Variants in MARCHF3 observed in about 807,000 individuals in gnomAD.
MARCHF3 encodes membrane associated ring-CH-type finger 3, also known as E3 ubiquitin-protein ligase MARCHF3.
In MARCHF3, 13 loss-of-function variants were observed where a neutral mutation model predicts 24.2. The ratio of observed to expected loss-of-function variants is 0.54; its 90% CI spans 0.35 to 0.85. MARCHF3 has a LOEUF of 0.85. Among genes scored for constraint, MARCHF3 ranks in the 40% least tolerant of loss-of-function variants. MARCHF3 has a pLI of 0.01. For synonymous variants in MARCHF3, 144 were observed against 137.3 expected, an observed-to-expected ratio of 1.05 and a Z score of -0.34; for missense variants, 276 against 325.0, an observed-to-expected ratio of 0.85 and a Z score of 1.16.
chr5:126,922,622 C>T (rs1310170871), intron 1 of MARCHF3, among the ~76,000 whole-genome samples: 2 of 152,030 alleles, frequency 1.3e-5, no homozygotes, highest in Non-Finnish European at 2.9e-5. Flanking sequence ...TCTCCGCTCA[C>T]TGCAAGCTCC....
At chr5:126,960,866 T>C (rs1750617352) in intron 1 of MARCHF3, among the ~76,000 whole-genome samples, 3 of 152,240 alleles carry the variant, frequency 2.0e-5, no homozygotes, top group African/African-American at 4.8e-5. Context: ...TTAACCCTTA[T>C]GAAACTCTGA....
intron 3 of MARCHF3, among the ~76,000 whole-genome samples, chr5:126,894,099 A>C (rs1020640566): frequency 1.4e-5 from 2 of 141,084 alleles, no homozygotes; most frequent in Non-Finnish European, 3.0e-5. Flanking sequence ...TTTATCAGAG[A>C]CTAGGATTGC....
chr5:126,985,599 G>A (rs887551438), intron 1 of MARCHF3, among the ~76,000 whole-genome samples: 3 of 151,520 alleles, frequency 2.0e-5, no homozygotes, highest in African/African-American at 7.3e-5. Flanking sequence ...CTCCCGAATA[G>A]CTGGGACTAC....
At chr5:126,890,288 TTC>T (rs200631631) in intron 3 of MARCHF3, among the ~76,000 whole-genome samples, 2,873 of 152,144 alleles carry the variant, frequency 0.019, 68 homozygotes, top group South Asian at 0.11. Context: ...ATGGTATGTT[TTC>T]TTTTTTATTA....
chr5:126,885,419 G>C (rs1443047216), intron 3 of MARCHF3, among the ~76,000 whole-genome samples: 1 of 151,926 alleles, frequency 6.6e-6, no homozygotes, highest in African/African-American at 2.4e-5. Flanking sequence ...AATACAAAAT[G>C]ATCCAGGCGT....
chr5:126,966,905 C>CTTTTGTTTTTTTTTTTTT (rs1750831456), intron 1 of MARCHF3, among the ~76,000 whole-genome samples: 1 of 4,486 alleles, frequency 2.2e-4, no homozygotes, highest in Non-Finnish European at 4.3e-4. Flanking sequence ...CTGTGAGAGC[C>CTTTTGTTTTTTTTTTTTT]TTTTTTTTTT....
intron 1 of MARCHF3, among the ~76,000 whole-genome samples, chr5:126,995,293 A>G (rs567572150): frequency 3.8e-4 from 58 of 152,352 alleles, no homozygotes; most frequent in Non-Finnish European, 6.9e-4. Context: ...CCAATGTACC[A>G]GTGTGCAACT....
At chr5:126,955,137 T>C (rs1013446363) in intron 1 of MARCHF3, among the ~76,000 whole-genome samples, 3 of 152,248 alleles carry the variant, frequency 2.0e-5, no homozygotes, top group Admixed American at 6.5e-5. Flanking sequence ...GGTTCCACCA[T>C]ATTCATTCAT....
At chr5:126,881,037 G>A (rs886456320) in intron 3 of MARCHF3, among the ~76,000 whole-genome samples, 1 of 152,100 alleles carries the variant, frequency 6.6e-6, no homozygotes, top group Non-Finnish European at 1.5e-5. Context: ...AGGTAATTAC[G>A]AATCAGTGTT....
intron 3 of MARCHF3, among the ~76,000 whole-genome samples, chr5:126,903,768 T>A (rs1326070681): frequency 6.6e-6 from 1 of 152,078 alleles, no homozygotes; most frequent in East Asian, 1.9e-4. Context: ...CTCCCTATGG[T>A]ACACCTGGAG....
At chr5:127,002,960 G>A (rs1334456373) in intron 1 of MARCHF3, among the ~76,000 whole-genome samples, 1 of 152,178 alleles carries the variant, frequency 6.6e-6, no homozygotes, top group Non-Finnish European at 1.5e-5. Context: ...CCTGGAGGGA[G>A]CAATCGATAA....
chr5:126,917,950 A>G (rs1236261534), intron 2 of MARCHF3, 34 bp downstream of exon 2: 1 of 1,597,108 alleles, frequency 6.3e-7, no homozygotes, highest in Non-Finnish European at 8.5e-7. Flanking sequence ...CTCTGGATCA[A>G]TTACAGATTC....
At chr5:126,962,545 G>C (rs1330824291) in intron 1 of MARCHF3, among the ~76,000 whole-genome samples, 1 of 152,002 alleles carries the variant, frequency 6.6e-6, no homozygotes. Flanking sequence ...GATGCCACAA[G>C]TGGAAAATTT....
intron 1 of MARCHF3, among the ~76,000 whole-genome samples, chr5:126,955,227 T>C (rs1344100215): frequency 6.6e-6 from 1 of 152,208 alleles, no homozygotes; most frequent in East Asian, 1.9e-4. Context: ...GGAAACAAAA[T>C]ATGAACATAC....
At chr5:126,936,428 G>A (rs1333746004) in intron 1 of MARCHF3, among the ~76,000 whole-genome samples, 2 of 152,120 alleles carry the variant, frequency 1.3e-5, no homozygotes, top group Non-Finnish European at 2.9e-5. Context: ...ACCAGTGAGG[G>A]CACTAACATG....
At chr5:126,989,665 T>C (rs1751685114) in intron 1 of MARCHF3, among the ~76,000 whole-genome samples, 1 of 152,220 alleles carries the variant, frequency 6.6e-6, no homozygotes, top group African/African-American at 2.4e-5. Context: ...TACTGTGATC[T>C]GATGAACCAT....
chr5:126,893,544 T>C (rs1249271377), intron 3 of MARCHF3, among the ~76,000 whole-genome samples: 20 of 152,048 alleles, frequency 1.3e-4, no homozygotes, highest in East Asian at 5.8e-4. Context: ...CATTTCGTTA[T>C]GTATCCAGTA....
chr5:126,871,967 T>C (rs1243533373), intron 4 of MARCHF3, among the ~76,000 whole-genome samples: 2 of 151,414 alleles, frequency 1.3e-5, no homozygotes, highest in African/African-American at 4.9e-5. Flanking sequence ...TGCCTCAGCC[T>C]CCCAAAGGGC....
intron 1 of MARCHF3, among the ~76,000 whole-genome samples, chr5:126,981,012 T>C (rs541527174): frequency 6.6e-6 from 1 of 152,226 alleles, no homozygotes; most frequent in African/African-American, 2.4e-5. Context: ...ATTCAATCTT[T>C]GTGCTGCACA....
Sources: allele counts gnomAD v4.1 joint callset (sites outside exome capture counted in the v4.1 genomes callset), GRCh38; gene constraint gnomAD v4.1.1; transcripts MANE v1.5; gene names NCBI Gene and HGNC (gene_info 2026-07-23, HGNC 2026-07-21).